The following ZMAT4 variants were observed in gnomAD, a reference collection of about 807,000 sequenced individuals.
ZMAT4 encodes the protein zinc finger matrin-type 4.
Under a neutral mutation model 28.7 loss-of-function variants are expected in ZMAT4, and 17 were observed. The ratio of observed to expected loss-of-function variants is 0.59; its 90% CI spans 0.41 to 0.89. The LOEUF is 0.89. Ranked by LOEUF, ZMAT4 falls within the 40% of genes least tolerant of loss-of-function variation. The pLI is 0.00. For synonymous variants in ZMAT4, 117 were observed against 109.2 expected (o/e 1.07, Z -0.44); for missense variants, 240 against 283.8 (o/e 0.85, Z 1.11).
intron 6 of ZMAT4, among the ~76,000 whole-genome samples, chr8:40,561,650 G>C (rs1023969346): frequency 3.3e-5 from 5 of 152,136 alleles, no homozygotes; most frequent in African/African-American, 1.2e-4. Context: ...TGCTGAACCA[G>C]CTCTCACAAA....
intron 2 of ZMAT4, among the ~76,000 whole-genome samples, chr8:40,810,423 A>G (rs1329384496): frequency 6.6e-6 from 1 of 152,194 alleles, no homozygotes; most frequent in African/African-American, 2.4e-5. Flanking sequence ...TCTGATTCAG[A>G]CTCATGCACA....
At chr8:40,708,571 T>TTC (rs36210172) in intron 3 of ZMAT4, among the ~76,000 whole-genome samples, 5,741 of 120,890 alleles carry the variant, frequency 0.047, 170 homozygotes, top group Middle Eastern at 0.072. Context: ...TACACACTCT[T>TTC]TCTCTCTCTC....
chr8:40,549,746 A>G (rs1035871048), intron 6 of ZMAT4, among the ~76,000 whole-genome samples: 6 of 151,442 alleles, frequency 4.0e-5, no homozygotes, highest in Non-Finnish European at 8.8e-5. Flanking sequence ...TATTTGAAGG[A>G]AAAAAAAACT....
chr8:40,551,412 A>G lies in ZMAT4; in HGVS notation c.675-19174T>C, dbSNP rs144705120. The stretch of plus-strand genomic sequence containing the variant: ...ATCACGTTGTTCTATTAAACTTTCA[A>G]TTAAATATATCATCATCAATCAAGG... On this transcript the variant is annotated intron_variant, in intron 6 of 6. Transcript: ENST00000297737. Among the ~76,000 whole-genome samples the G allele has an allele frequency of 6.0e-3, 912 of 152,310 alleles. 6 individuals are homozygous for G. The highest frequency in any genetic ancestry group is 8.5e-3 in the South Asian group (41 of 4,834).
At chr8:40,552,288 A>G (rs950131211) in intron 6 of ZMAT4, among the ~76,000 whole-genome samples, 1 of 152,072 alleles carries the variant, frequency 6.6e-6, no homozygotes, top group African/African-American at 2.4e-5. Flanking sequence ...AGCTGCTACT[A>G]TTGCTTTTCA....
intron 2 of ZMAT4, among the ~76,000 whole-genome samples, chr8:40,810,015 C>T (rs1815253713): frequency 6.6e-6 from 1 of 152,094 alleles, no homozygotes; most frequent in Non-Finnish European, 1.5e-5. Context: ...TGCACTCCAG[C>T]CTGTGTGACA....
chr8:40,547,922 C>G (rs1229471776), intron 6 of ZMAT4, among the ~76,000 whole-genome samples: 1 of 152,092 alleles, frequency 6.6e-6, no homozygotes, highest in African/African-American at 2.4e-5. Flanking sequence ...ATGAAGGATG[C>G]GGAAGCAGGA....
At chr8:40,744,685 G>T (rs567578637) in intron 3 of ZMAT4, among the ~76,000 whole-genome samples, 1 of 152,134 alleles carries the variant, frequency 6.6e-6, no homozygotes, top group African/African-American at 2.4e-5. Context: ...GGTAGTTTGA[G>T]ACTTGCATCT....
At chr8:40,818,339 G>T (rs902891412) in intron 2 of ZMAT4, among the ~76,000 whole-genome samples, 3 of 152,200 alleles carry the variant, frequency 2.0e-5, no homozygotes, top group Non-Finnish European at 2.9e-5. Context: ...GGAAACAGAA[G>T]TTGAACATTA....
At chr8:40,603,822 G>T (rs1805485772) in intron 5 of ZMAT4, among the ~76,000 whole-genome samples, 1 of 152,068 alleles carries the variant, frequency 6.6e-6, no homozygotes, top group East Asian at 1.9e-4. Flanking sequence ...AGTAGAGATG[G>T]GGTTTTACTG....
At chr8:40,888,515 T>C (rs1818551710) in intron 1 of ZMAT4, 1 of 152,338 alleles carries the variant, frequency 6.6e-6, no homozygotes, top group Non-Finnish European at 1.5e-5. Context: ...GCCTGTCCAC[T>C]TTTCCCAATT....
intron 2 of ZMAT4, among the ~76,000 whole-genome samples, chr8:40,791,913 G>C (rs894691063): frequency 6.6e-6 from 1 of 152,110 alleles, no homozygotes; most frequent in African/African-American, 2.4e-5. Context: ...CAGGAGGGCC[G>C]CTGCACAGCA....
chr8:40,627,323 T>C (rs1194052609), intron 5 of ZMAT4, among the ~76,000 whole-genome samples: 3 of 152,180 alleles, frequency 2.0e-5, no homozygotes, highest in Non-Finnish European at 4.4e-5. Flanking sequence ...ATCTGTAGCG[T>C]AGCCAGGCAT....
intron 5 of ZMAT4, among the ~76,000 whole-genome samples, chr8:40,634,904 AC>A: frequency 6.6e-6 from 1 of 152,208 alleles, no homozygotes; most frequent in Non-Finnish European, 1.5e-5. Context: ...GCCATTACAC[AC>A]ATGCCTTCAG....
intron 1 of ZMAT4, among the ~76,000 whole-genome samples, chr8:40,845,284 A>G (rs1403026489): frequency 1.3e-5 from 2 of 152,196 alleles, no homozygotes; most frequent in Non-Finnish European, 2.9e-5. Flanking sequence ...AAAAAAATTT[A>G]GGCATCTTCA....
chr8:40,646,565 T>C (rs1807326072), intron 5 of ZMAT4, among the ~76,000 whole-genome samples: 1 of 152,136 alleles, frequency 6.6e-6, no homozygotes, highest in Admixed American at 6.6e-5. Context: ...GAAGTATCCA[T>C]TTAATAAATT....
intron 3 of ZMAT4, among the ~76,000 whole-genome samples, chr8:40,749,075 G>A (rs1386021036): frequency 2.0e-5 from 3 of 152,134 alleles, no homozygotes; most frequent in Non-Finnish European, 4.4e-5. Context: ...TGTAAGACGT[G>A]CCCTTCATCT....
At chr8:40,786,564 G>T in intron 2 of ZMAT4, 2 of 584,628 alleles carry the variant, frequency 3.4e-6, no homozygotes, top group Non-Finnish European at 5.1e-6. Context: ...TTGAGTTATT[G>T]CTACCAAAAC....
At chr8:40,725,977 T>C (rs1490534258) in intron 3 of ZMAT4, among the ~76,000 whole-genome samples, 2 of 152,246 alleles carry the variant, frequency 1.3e-5, no homozygotes, top group Non-Finnish European at 2.9e-5. Context: ...CATTCTGCTT[T>C]TCCTATCTTA....
Sources: gnomAD v4.1 joint callset for allele counts (sites outside exome capture counted in the v4.1 genomes callset) on GRCh38, gnomAD v4.1.1 for gene constraint, MANE v1.5 for transcripts, NCBI Gene and HGNC (gene_info 2026-07-23, HGNC 2026-07-21) for gene names.